Variants in GDF3 observed in about 807,000 individuals in gnomAD.
GDF3 encodes growth/differentiation factor 3.
GDF3 carries 10 observed loss-of-function variants against 10.2 expected under a neutral mutation model. That is an observed-to-expected ratio of 0.98 (90% confidence interval 0.60 to 1.66). The LOEUF (loss-of-function observed/expected upper bound fraction) is 1.66. Ranked by LOEUF, GDF3 falls within the 40% of genes most tolerant of loss-of-function variation. The pLI is 0.00. For missense variants in GDF3, 450 were observed against 438.3 expected (o/e 1.03, Z -0.24); for synonymous variants, 166 against 178.5 (o/e 0.93, Z 0.56).
At position 7,690,515 on chromosome 12, in the gene GDF3, G is replaced by C. The variant is rs375002535; in HGVS notation, c.458C>G (p.Pro153Arg). ...LELALFLVQE[P>R]HVWGQTTPKP... ...AGGGGTGGTCTGGCCCCACACATGA[G>C]GCTCCTGAACCAGGAACAGAGCCAG... Residue 153 changes from proline (P) to arginine (R), a missense_variant, in exon 2 of 2, where the codon CCT becomes CGT. Pro to Arg is a moderately radical substitution (Grantham distance 103). Transcript: ENST00000329913. The C allele has an allele frequency of 6.2e-7, 1 of 1,612,914 alleles. No individual in the cohort carries two copies. The highest frequency in any genetic ancestry group is 8.5e-7 in the Non-Finnish European group (1 of 1,179,086).
At chr12:7,695,262 T>C (rs1288668204) in intron 1 of GDF3, among the ~76,000 whole-genome samples, 199 bp downstream of exon 1, 3 of 152,220 alleles carry the variant, frequency 2.0e-5, no homozygotes, top group Non-Finnish European at 4.4e-5. Flanking sequence ...TTACCTACTG[T>C]CTGAGCCTAA....
rs774280883 is a variant in GDF3 at position 7,695,150 on chromosome 12, C to T, written c.268+311G>A. 2.2e-4 allele frequency among the ~76,000 whole-genome samples: 33 copies of T among 152,224 alleles called. No homozygotes were observed. The South Asian group carries it at 6.8e-3, about 32-fold the overall frequency. On this transcript the variant is annotated intron_variant, in intron 1 of 1. Transcript: ENST00000329913. ...CTGATTCCTCCCTCACCTCTTTCATCTCAACTGAAGCACAAAGCAGTTGAT... is the reference window on the plus strand; with the variant it reads ...CTGATTCCTCCCTCACCTCTTTCATTTCAACTGAAGCACAAAGCAGTTGAT...
chr12:7,690,803 G>C, intron 1 of GDF3, 99 bp from the exon 2 acceptor site: 1 of 736,878 alleles, frequency 1.4e-6, no homozygotes, highest in East Asian at 2.6e-5. Flanking sequence ...ACAATATAAG[G>C]GCAGGGAAAG....
chr12:7,693,265 C>T (rs1238441639), intron 1 of GDF3, among the ~76,000 whole-genome samples: 4 of 151,682 alleles, frequency 2.6e-5, no homozygotes, highest in East Asian at 3.9e-4. Flanking sequence ...TGCAGTGGTG[C>T]GATCTTGGCT....
Position 7,689,789 on chromosome 12 carries a change from A to G in GDF3, c.*89T>C, listed in dbSNP as rs776168538. ...AAATTATAAACACAGGTATATTGAC[A>G]TTTCGATCTAAGTGGTCATAAACCA... On this transcript the variant is annotated 3_prime_UTR_variant, in exon 2 of 2. Coordinates refer to ENST00000329913, the MANE Select transcript of GDF3 (RefSeq NM_020634.3). 2.0e-5 allele frequency: 18 copies of G among 897,868 alleles called. No individual in the cohort carries two copies. In the African/African-American group the frequency reaches 2.1e-4, roughly 11 times the overall value. The allele number at this position is 897,868 out of a possible 1,614,324, so 55.6% of individuals were successfully genotyped here. A position where few individuals can be genotyped will look rare whatever the true frequency, so the allele number is the denominator to read the frequency against.
Position 7,690,721 on chromosome 12 carries a change from A to T in GDF3, c.269-17T>A, listed in dbSNP as rs201863761. 1 of 1,398,102 alleles carries T rather than the reference A, an allele frequency of 7.2e-7. No individual in the cohort carries two copies. Among genetic ancestry groups the T allele is most frequent in the Non-Finnish European group, 1.0e-6 (1 of 983,464 alleles). 86.6% of individuals were successfully genotyped at this position (1,398,102 alleles called of 1,614,324 possible). ...GAAAGAAACCTAGATGGGAAAAGAG[A>T]CATGTCAGAGTCATAATGATGTATT... On this transcript the variant is annotated splice_polypyrimidine_tract_variant and intron_variant, in intron 1 of 1. Coordinates refer to ENST00000329913, the MANE Select transcript of GDF3 (RefSeq NM_020634.3).
chr12:7,694,569 C>CAAAAAA (rs57221382), intron 1 of GDF3, among the ~76,000 whole-genome samples: 1 of 80,142 alleles, frequency 1.2e-5, no homozygotes, highest in African/African-American at 5.5e-5. Flanking sequence ...GCGAGACTCT[C>CAAAAAA]AAAAAAAAAA....
chr12:7,689,840 A>G lies in GDF3; in HGVS notation c.*38T>C. On this transcript the variant is annotated 3_prime_UTR_variant, in exon 2 of 2. Transcript: ENST00000329913. Reference sequence around the variant, plus strand: ...GATAGGTAGTTTTATTAAAAGATTTACCCTAAGAACACTCCTTCTATTCCC... The same window carrying G: ...GATAGGTAGTTTTATTAAAAGATTTGCCCTAAGAACACTCCTTCTATTCCC... 7.6e-7 allele frequency: 1 copy of G among 1,309,170 alleles called. No homozygotes were observed. Among genetic ancestry groups the G allele is most frequent in the Non-Finnish European group, 1.1e-6 (1 of 902,992 alleles). The allele number at this position is 1,309,170 out of a possible 1,614,324, so 81.1% of individuals were successfully genotyped here.
In GDF3 at chr12:7,690,027, G is replaced by C. The variant is rs1420308640; in HGVS notation, c.946C>G (p.Leu316Val). 6.2e-7 allele frequency: 1 copy of C among 1,613,832 alleles called. No homozygotes were observed. The highest frequency in any genetic ancestry group is 2.2e-5 in the East Asian group (1 of 44,880). Residue 316 changes from leucine (L) to valine (V), a missense_variant, in exon 2 of 2, where the codon CTG becomes GTG. Coordinates refer to ENST00000329913, the MANE Select transcript of GDF3 (RefSeq NM_020634.3). The stretch of plus-strand genomic sequence containing the variant: ...ATCTCTGGGTCAACGGCATGCATCA[G>C]GGCTTGCATGAAAGCATAATTGGAG... ...NSSNYAFMQA[L>V]MHAVDPEIPQ...
intron 1 of GDF3, among the ~76,000 whole-genome samples, chr12:7,691,432 C>G (rs949703927): frequency 2.0e-5 from 3 of 151,686 alleles, no homozygotes. Flanking sequence ...GGAGTCCAGG[C>G]AAGGTGGCTC....
chr12:7,692,117 TA>T (rs1864137927), intron 1 of GDF3, among the ~76,000 whole-genome samples: 1 of 151,976 alleles, frequency 6.6e-6, no homozygotes, highest in Non-Finnish European at 1.5e-5. Context: ...TTTAGGCACT[TA>T]AACCATTATT....
rs1864147733 is a variant in GDF3, at chr12:7,692,894, C to G, written c.269-2190G>C. Among the ~76,000 whole-genome samples, 3 of 152,132 alleles carry G rather than the reference C, an allele frequency of 2.0e-5. No individual in the cohort carries two copies. In the South Asian group the frequency reaches 6.2e-4, roughly 32 times the overall value. On this transcript the variant is annotated intron_variant, in intron 1 of 1. Coordinates refer to ENST00000329913, the MANE Select transcript of GDF3 (RefSeq NM_020634.3). ...CTGAGCTCAAAGGATCCTCCCACGT[C>G]TCAAAGTGCTGGGATTACAGTCACG...
chr12:7,690,576 G>GC lies in GDF3; in HGVS notation c.396dup (p.Pro133AlafsTer6). ...GGTCCCAGGTTATAGTAAGAATTGGGCCCCAAGTCCAGGCCCAGCTGGGCC... is the reference window on the plus strand; with the variant it reads ...GGTCCCAGGTTATAGTAAGAATTGGGCCCCCAAGTCCAGGCCCAGCTGGGCC... On this transcript the variant is annotated frameshift_variant, in exon 2 of 2. Transcript: ENST00000329913. LOFTEE classifies it low-confidence loss of function (END_TRUNC). The GC allele has an allele frequency of 3.7e-6, 6 of 1,605,316 alleles. No homozygotes were observed. Among genetic ancestry groups the GC allele is most frequent in the Non-Finnish European group, 5.1e-6 (6 of 1,175,754 alleles).
At chr12:7,693,901 C>T (rs1485557540) in intron 1 of GDF3, among the ~76,000 whole-genome samples, 1 of 151,866 alleles carries the variant, frequency 6.6e-6, no homozygotes, top group Non-Finnish European at 1.5e-5. Context: ...TGCAGTGAGC[C>T]GAGATTGTGC....
At chr12:7,691,583 A>C (rs904093526) in intron 1 of GDF3, among the ~76,000 whole-genome samples, 21 of 152,100 alleles carry the variant, frequency 1.4e-4, no homozygotes, top group Admixed American at 7.2e-4. Context: ...AAAGAAAAAA[A>C]AAAACAAAAC....
At chr12:7,690,750 T>G in intron 1 of GDF3, 46 bp from the exon 2 acceptor site, 1 of 1,042,892 alleles carries the variant, frequency 9.6e-7, no homozygotes, top group Non-Finnish European at 1.5e-6. Context: ...ATGTATTTAC[T>G]TCATATCCAC....
Position 7,690,273 on chromosome 12 carries a change from G to T in GDF3, c.700C>A (p.Leu234Met), listed in dbSNP as rs1049872479. The T allele has an allele frequency of 5.6e-6, 9 of 1,614,132 alleles. No homozygotes were observed. Among genetic ancestry groups the T allele is most frequent in the Non-Finnish European group, 6.8e-6 (8 of 1,180,028 alleles). Residue 234 changes from leucine to methionine, a missense_variant, in exon 2 of 2, where the codon CTG becomes ATG. Leu to Met is a conservative substitution (Grantham distance 15). Transcript: ENST00000329913. The stretch of plus-strand genomic sequence containing the variant: ...TGATCAGGGTTGAGAGTCACCACCA[G>T]CAGGGAAGCATGAAGGGAGCATCTT... Reference protein sequence around the residue: ...RLRCSLHASLLVVTLNPDQCH... With the variant: ...RLRCSLHASLMVVTLNPDQCH...
In GDF3 at chr12:7,690,211, A is replaced by G. The variant is rs1184707369; in HGVS notation, c.762T>C (p.Pro254=). 3.7e-6 allele frequency: 6 copies of G among 1,614,016 alleles called. No homozygotes were observed. Among genetic ancestry groups the G allele is most frequent in the Non-Finnish European group, 5.1e-6 (6 of 1,180,028 alleles). ...GGTTCTTACAAGAAAGCTTGGGGAC[A>G]GGGATGGCTGCTCTCCTTTTCCGAG... is the stretch of plus-strand genomic sequence containing the variant. ...HPSRKRRAAI[P]VPKLSCKNLC... is the part of the protein sequence containing the mutation. Residue 254 remains proline, a synonymous_variant, in exon 2 of 2, where the codon CCT becomes CCC. Transcript: ENST00000329913.
At chr12:7,693,594 C>A (rs554539834) in intron 1 of GDF3, among the ~76,000 whole-genome samples, 55 of 151,312 alleles carry the variant, frequency 3.6e-4, no homozygotes, top group Non-Finnish European at 7.4e-4. Context: ...CAACTCAAAC[C>A]GAAACACTCT....
Sources: gnomAD v4.1 joint callset for allele counts (sites outside exome capture counted in the v4.1 genomes callset) on GRCh38, gnomAD v4.1.1 for gene constraint, MANE v1.5 for transcripts, NCBI Gene and HGNC (gene_info 2026-07-23, HGNC 2026-07-21) for gene names.